Variants in PEPD observed in about 807,000 individuals in gnomAD.
PEPD encodes xaa-Pro dipeptidase.
In PEPD, 53 loss-of-function variants were observed where a neutral mutation model predicts 60.7. That is an observed-to-expected ratio of 0.87 (90% CI 0.70 to 1.10). The LOEUF (loss-of-function observed/expected upper bound fraction) is 1.10, where lower values mean the gene tolerates loss of function less well. Ranked by LOEUF, PEPD falls within the 50% of genes least tolerant of loss-of-function variation. The pLI is 0.00. For synonymous variants in PEPD, 267 were observed against 284.1 expected, an observed-to-expected ratio of 0.94 and a Z score of 0.60; for missense variants, 711 against 711.9, an observed-to-expected ratio of 1.00 and a Z score of 0.01.
intron 9 of PEPD, among the ~76,000 whole-genome samples, chr19:33,418,596 C>A (rs1178294354): frequency 2.0e-5 from 3 of 152,244 alleles, no homozygotes; most frequent in African/African-American, 7.2e-5. Flanking sequence ...CCAAGCCCTA[C>A]CCTTGGAATC....
intron 1 of PEPD, among the ~76,000 whole-genome samples, chr19:33,513,549 C>T (rs1970967412): frequency 6.6e-6 from 1 of 152,188 alleles, no homozygotes; most frequent in South Asian, 2.1e-4. Flanking sequence ...CCCCATGTCC[C>T]GTCTGGACAA....
intron 9 of PEPD, among the ~76,000 whole-genome samples, chr19:33,426,889 T>C (rs952758012): frequency 6.6e-6 from 1 of 152,198 alleles, no homozygotes; most frequent in African/African-American, 2.4e-5. Flanking sequence ...CGCAGCGAAA[T>C]GTGCCATGGA....
At chr19:33,406,240 T>C (rs1305538977) in intron 11 of PEPD, among the ~76,000 whole-genome samples, 3 of 152,192 alleles carry the variant, frequency 2.0e-5, no homozygotes, top group Admixed American at 6.5e-5. Context: ...CCAGGATGTC[T>C]GGACAAGTGC....
intron 3 of PEPD, among the ~76,000 whole-genome samples, chr19:33,509,036 G>A (rs1970869475): frequency 6.6e-6 from 1 of 152,240 alleles, no homozygotes; most frequent in Non-Finnish European, 1.5e-5. Flanking sequence ...TTAGCCAGCA[G>A]GCAAGCTCAG....
At chr19:33,422,519 CTATT>C (rs1182577598) in intron 9 of PEPD, among the ~76,000 whole-genome samples, 3 of 151,660 alleles carry the variant, frequency 2.0e-5, no homozygotes, top group African/African-American at 7.3e-5. Flanking sequence ...CATCTATCAT[CTATT>C]TACTTACCTA....
chr19:33,401,702 C>A lies in PEPD; in HGVS notation c.967+19G>T, dbSNP rs745566733. ...AACGCCACGTCAGATGCGCCTCCCCCCACCGACCCGCTGCTCACCTGGCTT... is the reference window on the plus strand; with the variant it reads ...AACGCCACGTCAGATGCGCCTCCCCACACCGACCCGCTGCTCACCTGGCTT... On this transcript the variant is annotated intron_variant, in intron 12 of 14. Transcript: ENST00000244137. The A allele has an allele frequency of 4.2e-5, 68 of 1,600,234 alleles. No individual in the cohort carries two copies. Among genetic ancestry groups the A allele is most frequent in the Non-Finnish European group, 5.5e-5 (64 of 1,174,306 alleles).
intron 9 of PEPD, among the ~76,000 whole-genome samples, chr19:33,435,720 G>A (rs1969362977): frequency 6.6e-6 from 1 of 152,254 alleles, no homozygotes; most frequent in Non-Finnish European, 1.5e-5. Context: ...ATGGCCGTTA[G>A]TTCTCAATCA....
intron 7 of PEPD, among the ~76,000 whole-genome samples, chr19:33,473,054 A>T (rs775887982): frequency 5.3e-5 from 8 of 152,096 alleles, no homozygotes; most frequent in Non-Finnish European, 7.4e-5. Flanking sequence ...TGTGCCTGAA[A>T]CCTAGCCAGG....
Position 33,393,462 on chromosome 19 carries a change from C to T in PEPD, c.968-1983G>A, listed in dbSNP as rs972531222. 6.6e-5 allele frequency among the ~76,000 whole-genome samples: 10 copies of T among 152,322 alleles called. No homozygotes were observed. In the South Asian group the frequency reaches 1.0e-3, roughly 16 times the overall value. On this transcript the variant is annotated intron_variant, in intron 12 of 14. Coordinates refer to ENST00000244137, the MANE Select transcript of PEPD (RefSeq NM_000285.4). ...ATCCCGGAAAAGGACACCTGGATAA[C>T]TGCAGCCCACTTGGCCGCTCCCCCG... is the stretch of plus-strand genomic sequence containing the variant.
At chr19:33,423,418 A>G (rs1395480027) in intron 9 of PEPD, among the ~76,000 whole-genome samples, 2 of 152,178 alleles carry the variant, frequency 1.3e-5, no homozygotes, top group African/African-American at 4.8e-5. Flanking sequence ...GAGATTATTG[A>G]CCAAATGCAC....
chr19:33,494,451 G>A (rs10411501), intron 4 of PEPD, among the ~76,000 whole-genome samples: 55 of 152,134 alleles, frequency 3.6e-4, no homozygotes, highest in African/African-American at 1.3e-3. Flanking sequence ...AACCTGGAAC[G>A]TATTGAAAAC....
At chr19:33,454,578 G>A (rs1484725888) in intron 9 of PEPD, among the ~76,000 whole-genome samples, 1 of 151,650 alleles carries the variant, frequency 6.6e-6, no homozygotes, top group African/African-American at 2.4e-5. Context: ...CTCCAGCCTC[G>A]GTGATGGAGC....
rs909497884 is a variant in PEPD at position 33,442,789 on chromosome 19, C to T, written c.671+20206G>A. On this transcript the variant is annotated intron_variant, in intron 9 of 14. Transcript: ENST00000244137. ...AATGGTCCCCTTACTCAGAGGGTTG[C>T]TCTGAGAATTAAACCGATCTTACCT... Among the ~76,000 whole-genome samples the T allele has an allele frequency of 1.4e-4, 22 of 151,928 alleles. 1 individual carries two copies. Among genetic ancestry groups the T allele is most frequent in the Non-Finnish European group, 1.8e-4 (12 of 67,892 alleles).
chr19:33,413,633 G>T lies in PEPD; in HGVS notation c.682C>A (p.His228Asn). ...ATGCCGCCCCGGGAGTAGCAGTAGT[G>T]CTCGAAGAGGCTGCAGGGGGAGAGA... Reference protein sequence around the residue: ...KEYELESLFEHYCYSRGGMRH... With the variant: ...KEYELESLFENYCYSRGGMRH... The change falls in exon 10 of 15, where the codon CAC (histidine) becomes AAC (asparagine). Residue 228 changes from histidine (H) to asparagine (N), a missense_variant. Physicochemically the swap from His to Asn is moderately conservative, Grantham distance 68 (BLOSUM62 1). Coordinates refer to ENST00000244137, the MANE Select transcript of PEPD (RefSeq NM_000285.4). 6.3e-7 allele frequency: 1 copy of T among 1,583,502 alleles called. No homozygotes were observed. The highest frequency in any genetic ancestry group is 8.6e-7 in the Non-Finnish European group (1 of 1,162,890).
At chr19:33,418,609 C>T (rs55800224) in intron 9 of PEPD, among the ~76,000 whole-genome samples, 9,848 of 152,258 alleles carry the variant, frequency 0.065, 1,086 homozygotes, top group African/African-American at 0.22. Flanking sequence ...TTGGAATCGC[C>T]GCCTGGGTGG....
intron 11 of PEPD, among the ~76,000 whole-genome samples, chr19:33,407,185 C>T (rs529859015): frequency 7.9e-5 from 12 of 152,332 alleles, no homozygotes; most frequent in African/African-American, 2.9e-4. Flanking sequence ...GTGAGGGAGG[C>T]AGGAGGAGTG....
intron 7 of PEPD, among the ~76,000 whole-genome samples, chr19:33,476,730 C>T (rs113129259): frequency 0.11 from 17,453 of 152,134 alleles, 1,340 homozygotes; most frequent in East Asian, 0.27. Context: ...GTGGCGTGAT[C>T]TCAGCTCACT....
At chr19:33,516,394 A>C (rs1412408220) in intron 1 of PEPD, among the ~76,000 whole-genome samples, 1 of 151,984 alleles carries the variant, frequency 6.6e-6, no homozygotes, top group Non-Finnish European at 1.5e-5. Flanking sequence ...CAGACAGACA[A>C]GGCACAAGAG....
intron 4 of PEPD, among the ~76,000 whole-genome samples, chr19:33,496,338 C>A (rs1050444886): frequency 2.0e-5 from 3 of 152,100 alleles, no homozygotes; most frequent in African/African-American, 7.2e-5. Context: ...CCTTGCAGCC[C>A]GGTGCTCAGA....
Sources: allele counts gnomAD v4.1 joint callset (sites outside exome capture counted in the v4.1 genomes callset), GRCh38; gene constraint gnomAD v4.1.1; transcripts MANE v1.5; gene names NCBI Gene and HGNC (gene_info 2026-07-23, HGNC 2026-07-21).